Variants in SFT2D2 observed in about 807,000 individuals in gnomAD.
SFT2D2 encodes the protein vesicle transport protein SFT2B.
A neutral mutation model predicts 27.4 loss-of-function variants in SFT2D2; 21 were observed. The observed-to-expected ratio is 0.77, with a 90% confidence interval of 0.54 to 1.10. The LOEUF is 1.10. Among genes scored for constraint, SFT2D2 ranks in the 50% least tolerant of loss-of-function variants. The pLI, the probability that SFT2D2 is intolerant of heterozygous loss-of-function variation, is 0.00. For synonymous variants in SFT2D2, 72 were observed against 71.7 expected, an observed-to-expected ratio of 1.00 and a Z score of -0.02; for missense variants, 187 against 194.2, an observed-to-expected ratio of 0.96 and a Z score of 0.22.
chr1:168,240,728 G>A (rs1019615982), intron 7 of SFT2D2, among the ~76,000 whole-genome samples: 1 of 152,040 alleles, frequency 6.6e-6, no homozygotes, highest in Non-Finnish European at 1.5e-5. Flanking sequence ...CTTGACCAAC[G>A]TGGTGAACTC....
intron 6 of SFT2D2, among the ~76,000 whole-genome samples, chr1:168,237,589 A>G (rs753720558): frequency 2.0e-5 from 3 of 152,200 alleles, no homozygotes; most frequent in Non-Finnish European, 4.4e-5. Flanking sequence ...ATTTTTGAAA[A>G]AAATGTTTGC....
chr1:168,234,209 A>G (rs1250790153), intron 3 of SFT2D2, among the ~76,000 whole-genome samples: 1 of 152,168 alleles, frequency 6.6e-6, no homozygotes, highest in African/African-American at 2.4e-5. Context: ...CATCCTGGCC[A>G]ACATGGTGAA....
chr1:168,228,045 G>T (rs571755795), intron 1 of SFT2D2, among the ~76,000 whole-genome samples: 1 of 152,170 alleles, frequency 6.6e-6, no homozygotes, highest in Non-Finnish European at 1.5e-5. Context: ...TAGGTGCTTC[G>T]TTCTTGTTTT....
chr1:168,226,883 G>C (rs556942425), intron 1 of SFT2D2, among the ~76,000 whole-genome samples: 2 of 151,950 alleles, frequency 1.3e-5, no homozygotes, highest in African/African-American at 4.8e-5. Context: ...GCAGTGGCGC[G>C]ATCTTGGCTC....
rs1424411512 is a variant in SFT2D2 at position 168,235,107 on chromosome 1, C to T, written c.243C>T (p.Ile81=). Residue 81 remains isoleucine (I), a synonymous_variant, in exon 4 of 8, where the codon ATC becomes ATT. Transcript: ENST00000271375. ...FGNIASIGST[I]FLMGPVKQLK... ...GCGTGTGTTTGCCTTTTAGTACCAT[C>T]TTCCTCATGGGACCAGTGAAACAGC... is the stretch of plus-strand genomic sequence containing the variant. The T allele has an allele frequency of 6.2e-7, 1 of 1,614,182 alleles. No individual in the cohort carries two copies. Among genetic ancestry groups the T allele is most frequent in the Admixed American group, 1.7e-5 (1 of 60,024 alleles).
Position 168,249,217 on chromosome 1 carries a change from G to A in SFT2D2, c.*6677G>A, listed in dbSNP as rs776514436. On this transcript the variant is annotated 3_prime_UTR_variant, in exon 8 of 8. Transcript: ENST00000271375. ...TCCTGCTTTCTCTTGTGGGCATTTA[G>A]TGCTATAAATTTCCCTCTACACACT... The A allele has an allele frequency of 6.6e-6, 1 of 152,068 alleles. No individual in the cohort carries two copies. Among genetic ancestry groups the A allele is most frequent in the Non-Finnish European group, 1.5e-5 (1 of 68,010 alleles). The allele number at this position is 152,068 out of a possible 1,614,324, so 9.4% of individuals were successfully genotyped here. A position where few individuals can be genotyped will look rare whatever the true frequency, so the allele number is the denominator to read the frequency against.
Position 168,239,392 on chromosome 1 carries a change from T to A in SFT2D2, c.443+232T>A, listed in dbSNP as rs146831426. On this transcript the variant is annotated intron_variant, in intron 7 of 7. Coordinates refer to ENST00000271375, the MANE Select transcript of SFT2D2 (RefSeq NM_199344.3). ...ACACTGATTTCCAATGCTGTGAACA[T>A]TCTACTCTTATATATGGTGCATATA... Among the ~76,000 whole-genome samples the A allele has an allele frequency of 3.5e-3, 535 of 152,188 alleles. 6 individuals carry two copies. Among genetic ancestry groups the A allele is most frequent in the African/African-American group, 0.012 (512 of 41,514 alleles).
chr1:168,229,359 T>C (rs1314953301), intron 1 of SFT2D2, among the ~76,000 whole-genome samples: 1 of 152,238 alleles, frequency 6.6e-6, no homozygotes, highest in African/African-American at 2.4e-5. Context: ...TGAGGTTATT[T>C]AGCAATCTAG....
intron 1 of SFT2D2, among the ~76,000 whole-genome samples, chr1:168,228,616 G>A (rs1370039143): frequency 1.3e-5 from 2 of 152,200 alleles, no homozygotes; most frequent in Admixed American, 6.5e-5. Context: ...GACAAGAAAG[G>A]TATGAATAGT....
Position 168,235,188 on chromosome 1 carries a change from G to A in SFT2D2, c.318+6G>A. ...TTGCAACTATCATGGTGCTGGTAAG[G>A]TCTGCTTTTTAGCTGGACTTCTCAG... On this transcript the variant is annotated splice_donor_region_variant and intron_variant, in intron 4 of 7. Coordinates refer to ENST00000271375, the MANE Select transcript of SFT2D2 (RefSeq NM_199344.3). 1 of 1,613,764 alleles carries A rather than the reference G, an allele frequency of 6.2e-7. No individual in the cohort carries two copies. Among genetic ancestry groups the A allele is most frequent in the Non-Finnish European group, 8.5e-7 (1 of 1,179,920 alleles).
Position 168,245,909 on chromosome 1 carries a change from C to T in SFT2D2, c.*3369C>T, listed in dbSNP as rs1037510001. On this transcript the variant is annotated 3_prime_UTR_variant, in exon 8 of 8. Coordinates refer to ENST00000271375, the MANE Select transcript of SFT2D2 (RefSeq NM_199344.3). ...TTTCAAGTTTTTGTACGTGGCCTTG[C>T]GTCTCCTTAGTACATTTTATAGTCG... 1.3e-5 allele frequency: 2 copies of T among 153,626 alleles called. No homozygotes were observed. Among genetic ancestry groups the T allele is most frequent in the Non-Finnish European group, 2.9e-5 (2 of 68,384 alleles). 9.5% of individuals were successfully genotyped at this position (153,626 alleles called of 1,614,324 possible).
intron 7 of SFT2D2, among the ~76,000 whole-genome samples, chr1:168,239,618 C>T (rs981876223): frequency 1.2e-4 from 18 of 152,000 alleles, no homozygotes; most frequent in African/African-American, 4.4e-4. Flanking sequence ...TCCTAATTAG[C>T]AGTGTGACCT....
At chr1:168,238,199 A>G (rs937110245) in intron 6 of SFT2D2, among the ~76,000 whole-genome samples, 2 of 152,104 alleles carry the variant, frequency 1.3e-5, no homozygotes, top group Non-Finnish European at 2.9e-5. Flanking sequence ...TTACCAAGAT[A>G]CCTTTGGACG....
intron 1 of SFT2D2, among the ~76,000 whole-genome samples, chr1:168,226,361 C>T (rs1033550754): frequency 2.6e-5 from 4 of 152,066 alleles, no homozygotes; most frequent in African/African-American, 7.2e-5. Context: ...AGCCCATCCT[C>T]CCTGACAAGG....
rs1647975394 is a variant in SFT2D2 at position 168,252,677 on chromosome 1, A to G, written c.*10137A>G. ...GTGAAGTTGGGAGTGAGGACATTCA[A>G]AAGCCCATGGTGAATGCATATGCCT... On this transcript the variant is annotated 3_prime_UTR_variant, in exon 8 of 8. Coordinates refer to ENST00000271375, the MANE Select transcript of SFT2D2 (RefSeq NM_199344.3). 6.6e-6 allele frequency: 1 copy of G among 152,194 alleles called. No homozygotes were observed. The highest frequency in any genetic ancestry group is 2.4e-5 in the African/African-American group (1 of 41,448). 9.4% of individuals were successfully genotyped at this position (152,194 alleles called of 1,614,324 possible). A position where few individuals can be genotyped will look rare whatever the true frequency, so the allele number is the denominator to read the frequency against.
chr1:168,234,411 A>T (rs1037866701), intron 3 of SFT2D2, among the ~76,000 whole-genome samples: 7 of 147,152 alleles, frequency 4.8e-5, no homozygotes, highest in African/African-American at 1.9e-4. Context: ...AAAAACAAAC[A>T]AAAAAAACCC....
At chr1:168,231,996 G>A (rs1572451524) in intron 3 of SFT2D2, 77 bp downstream of exon 3, 2 of 1,172,822 alleles carry the variant, frequency 1.7e-6, no homozygotes, top group Non-Finnish European at 2.5e-6. Context: ...TGAGGGAGGT[G>A]AAAGAGGAGG....
rs777090598 is a variant in SFT2D2 at position 168,246,849 on chromosome 1, T to C, written c.*4309T>C. 1.1e-4 allele frequency: 74 copies of C among 661,528 alleles called. No homozygotes were observed. Among genetic ancestry groups the C allele is most frequent in the Admixed American group, 5.6e-4 (25 of 44,892 alleles). 41.0% of individuals were successfully genotyped at this position (661,528 alleles called of 1,614,324 possible). The stretch of plus-strand genomic sequence containing the variant: ...TTTTTCCCCATTCTGTTTTAGAGCC[T>C]TTTGAAGGTCTTCATGCTTTCTTTT... On this transcript the variant is annotated 3_prime_UTR_variant, in exon 8 of 8. Coordinates refer to ENST00000271375, the MANE Select transcript of SFT2D2 (RefSeq NM_199344.3).
intron 7 of SFT2D2, 25 bp from the exon 8 acceptor site, chr1:168,242,476 C>A: frequency 1.2e-6 from 2 of 1,613,740 alleles, no homozygotes; most frequent in Non-Finnish European, 1.7e-6. Context: ...ACGTTCCACT[C>A]ATCTTTGTGT....
Sources: gnomAD v4.1 joint callset for allele counts (sites outside exome capture counted in the v4.1 genomes callset) on GRCh38, gnomAD v4.1.1 for gene constraint, MANE v1.5 for transcripts, NCBI Gene and HGNC (gene_info 2026-07-23, HGNC 2026-07-21) for gene names.